WWC2: variants seen among roughly 807,000 people sequenced by gnomAD.
WWC2 encodes the protein WW and C2 domain containing 2.
WWC2 carries 101 observed loss-of-function variants against 138.5 expected under a neutral mutation model. The observed-to-expected ratio is 0.73, with a 90% confidence interval of 0.62 to 0.86. WWC2 has a LOEUF of 0.86. WWC2 is among the 40% of genes least tolerant of loss of function. The pLI, the probability that WWC2 is intolerant of heterozygous loss-of-function variation, is 0.00. For missense variants in WWC2, 1,420 were observed against 1,419.4 expected (o/e 1.00, Z -0.01); for synonymous variants, 558 against 538.4 (o/e 1.04, Z -0.50).
chr4:183,219,515 T>C (rs183714862), intron 4 of WWC2, among the ~76,000 whole-genome samples: 13 of 152,288 alleles, frequency 8.5e-5, no homozygotes, highest in Admixed American at 4.6e-4. Flanking sequence ...TACAAGACTT[T>C]TTAAATAATT....
At chr4:183,255,219 C>T (rs1737098060) in intron 9 of WWC2, among the ~76,000 whole-genome samples, 1 of 152,188 alleles carries the variant, frequency 6.6e-6, no homozygotes, top group South Asian at 2.1e-4. Flanking sequence ...CTTTTCTTCC[C>T]TTCTTGTTCT....
At chr4:183,132,785 T>C (rs1732968771) in intron 1 of WWC2, among the ~76,000 whole-genome samples, 1 of 145,268 alleles carries the variant, frequency 6.9e-6, no homozygotes, top group Non-Finnish European at 1.5e-5. Context: ...AATCAAATGA[T>C]TTTTTTTTCT....
chr4:183,263,799 C>CT (rs1737410523), intron 11 of WWC2, among the ~76,000 whole-genome samples: 1 of 152,104 alleles, frequency 6.6e-6, no homozygotes, highest in African/African-American at 2.4e-5. Flanking sequence ...GTCACCAGCA[C>CT]TTTTTTTCAG....
chr4:183,309,861 C>T (rs552665890), intron 21 of WWC2, among the ~76,000 whole-genome samples: 12 of 152,264 alleles, frequency 7.9e-5, no homozygotes, highest in Admixed American at 4.6e-4. Context: ...TATATCCAGA[C>T]AATGGAATAC....
chr4:183,100,661 C>A (rs548157440), intron 1 of WWC2, among the ~76,000 whole-genome samples: 1 of 152,266 alleles, frequency 6.6e-6, no homozygotes, highest in Non-Finnish European at 1.5e-5. Context: ...TCCCTTTTCT[C>A]AATTTGAAGC....
chr4:183,249,112 C>T (rs571042850), intron 7 of WWC2, among the ~76,000 whole-genome samples: 54 of 152,104 alleles, frequency 3.6e-4, no homozygotes, highest in South Asian at 1.2e-3. Context: ...TTTAGAGACA[C>T]GCTGAAAGGC....
intron 1 of WWC2, among the ~76,000 whole-genome samples, chr4:183,187,932 T>C (rs1054404335): frequency 6.6e-6 from 1 of 151,694 alleles, no homozygotes; most frequent in Non-Finnish European, 1.5e-5. Context: ...TTTTGAAGGG[T>C]TGTTATTAGG....
At chr4:183,130,459 A>G (rs1732893099) in intron 1 of WWC2, among the ~76,000 whole-genome samples, 1 of 152,182 alleles carries the variant, frequency 6.6e-6, no homozygotes, top group Non-Finnish European at 1.5e-5. Flanking sequence ...AAGGGATGCA[A>G]ACTTTGGATG....
rs572048110 is a variant in WWC2, at chr4:183,187,403, A to C, written c.132-6196A>C. Among the ~76,000 whole-genome samples, 171 of 151,084 alleles carry C rather than the reference A, an allele frequency of 1.1e-3. 1 individual carries two copies. Among genetic ancestry groups the C allele is most frequent in the African/African-American group, 4.1e-3 (168 of 41,088 alleles). ...ACCCTGTCTCTACTAAAAATACAAA[A>C]ATTAGCTGGGCATGGTGGCACGCAC... is the stretch of plus-strand genomic sequence containing the variant. On this transcript the variant is annotated intron_variant, in intron 1 of 22. Coordinates refer to ENST00000403733, the MANE Select transcript of WWC2 (RefSeq NM_024949.6).
At chr4:183,262,473 T>C (rs1054630654) in intron 11 of WWC2, among the ~76,000 whole-genome samples, 4 of 152,220 alleles carry the variant, frequency 2.6e-5, no homozygotes, top group Non-Finnish European at 4.4e-5. Context: ...GAATTCTGAG[T>C]AATTGATTGG....
At chr4:183,183,738 G>A (rs957266747) in intron 1 of WWC2, among the ~76,000 whole-genome samples, 2 of 150,370 alleles carry the variant, frequency 1.3e-5, no homozygotes, top group Non-Finnish European at 2.9e-5. Context: ...AGCCGTGATC[G>A]TCCCGCTGCA....
At chr4:183,307,727 A>G (rs1739068660) in intron 21 of WWC2, among the ~76,000 whole-genome samples, 1 of 152,236 alleles carries the variant, frequency 6.6e-6, no homozygotes, top group African/African-American at 2.4e-5. Flanking sequence ...ACCTTAAAGA[A>G]CATGTAGAAA....
At chr4:183,289,320 A>C in intron 20 of WWC2, 73 bp from the exon 21 acceptor site, 1 of 1,540,252 alleles carries the variant, frequency 6.5e-7, no homozygotes, top group Non-Finnish European at 8.8e-7. Context: ...ATCATGCGCC[A>C]GGAAGGAGGG....
chr4:183,274,807 T>G (rs1232539308), intron 16 of WWC2, among the ~76,000 whole-genome samples: 1 of 152,102 alleles, frequency 6.6e-6, no homozygotes, highest in East Asian at 1.9e-4. Context: ...TAAAACAAAG[T>G]TTGAGGACCC....
chr4:183,266,919 A>G (rs1737521496), intron 14 of WWC2, among the ~76,000 whole-genome samples: 1 of 152,230 alleles, frequency 6.6e-6, no homozygotes, highest in South Asian at 2.1e-4. Context: ...AGTTGCTTGT[A>G]AGTTCACCTC....
At chr4:183,152,435 G>T (rs1481924808) in intron 1 of WWC2, among the ~76,000 whole-genome samples, 4 of 151,772 alleles carry the variant, frequency 2.6e-5, no homozygotes, top group African/African-American at 9.7e-5. Context: ...GGAGGTGGAG[G>T]TTGCAGTGAG....
chr4:183,131,393 C>T (rs1732920117), intron 1 of WWC2, among the ~76,000 whole-genome samples: 1 of 152,006 alleles, frequency 6.6e-6, no homozygotes, highest in Non-Finnish European at 1.5e-5. Context: ...TAGACTTCAT[C>T]AAAATTAAAT....
chr4:183,130,791 T>G (rs553407206), intron 1 of WWC2, among the ~76,000 whole-genome samples: 15 of 152,322 alleles, frequency 9.8e-5, no homozygotes, highest in African/African-American at 3.6e-4. Context: ...ACCTAACAAG[T>G]CACCTTCTTC....
chr4:183,283,476 T>C (rs2111061808), intron 18 of WWC2, among the ~76,000 whole-genome samples: 1 of 152,324 alleles, frequency 6.6e-6, no homozygotes, highest in South Asian at 2.1e-4. Context: ...ATATTGGTAG[T>C]AGAGTTTAGA....
Sources: gnomAD v4.1 joint callset for allele counts (sites outside exome capture counted in the v4.1 genomes callset) on GRCh38, gnomAD v4.1.1 for gene constraint, MANE v1.5 for transcripts, NCBI Gene and HGNC (gene_info 2026-07-23, HGNC 2026-07-21) for gene names.